Variants in SLC6A6 observed in about 807,000 individuals in gnomAD.
SLC6A6 encodes sodium- and chloride-dependent taurine transporter.
In SLC6A6, 16 loss-of-function variants were observed where a neutral mutation model predicts 68.8. The observed-to-expected ratio is 0.23, with a 90% CI of 0.16 to 0.35. The LOEUF (loss-of-function observed/expected upper bound fraction) is 0.35. Among genes scored for constraint, SLC6A6 ranks in the 10% least tolerant of loss-of-function variants. SLC6A6 has a pLI of 1.00. For synonymous variants in SLC6A6, 312 were observed against 315.4 expected, an observed-to-expected ratio of 0.99 and a Z score of 0.12; for missense variants, 474 against 802.8, an observed-to-expected ratio of 0.59 and a Z score of 4.95.
intron 10 of SLC6A6, among the ~76,000 whole-genome samples, chr3:14,476,729 G>A (rs1166607704): frequency 6.6e-6 from 1 of 152,226 alleles, no homozygotes; most frequent in African/African-American, 2.4e-5. Context: ...GCAGGGCTCG[G>A]CATTCGAGGC....
At chr3:14,484,638 A>G (rs1172555389) in intron 14 of SLC6A6, among the ~76,000 whole-genome samples, 1 of 152,222 alleles carries the variant, frequency 6.6e-6, no homozygotes, top group African/African-American at 2.4e-5. Flanking sequence ...CAAGGAAGGA[A>G]ACCACCAACA....
chr3:14,410,808 C>G (rs904217799), intron 1 of SLC6A6, among the ~76,000 whole-genome samples: 1 of 152,194 alleles, frequency 6.6e-6, no homozygotes, highest in Non-Finnish European at 1.5e-5. Context: ...AGTGGAAAGT[C>G]CTTAACCCAA....
Position 14,468,253 on chromosome 3 carries a change from C to T in SLC6A6, c.1096+41C>T, listed in dbSNP as rs772862737. 7 of 1,592,460 alleles carry T rather than the reference C, an allele frequency of 4.4e-6. No individual in the cohort carries two copies. On this transcript the variant is annotated intron_variant, in intron 9 of 14. Transcript: ENST00000622186. The surrounding 1 kb of genome is among the most constrained non-coding windows in gnomAD (Gnocchi z 4.5). ...TGGCAGTGGTGGTGGGCACTGCCAC[C>T]TAGTGTGTAAGCCAAGTACTGCAGG...
chr3:14,418,001 C>T (rs1262646035), intron 2 of SLC6A6, among the ~76,000 whole-genome samples: 2 of 152,164 alleles, frequency 1.3e-5, no homozygotes. Context: ...TAATCCTCAG[C>T]GTTCATTAAA....
intron 13 of SLC6A6, 125 bp downstream of exon 13, chr3:14,479,310 C>T (rs753868834): frequency 5.1e-5 from 34 of 673,184 alleles, no homozygotes; most frequent in East Asian, 3.2e-4. Context: ...CCAGCTTCAG[C>T]GCTGCCTGGG....
intron 2 of SLC6A6, among the ~76,000 whole-genome samples, chr3:14,442,078 G>A (rs1254539772): frequency 6.6e-6 from 1 of 152,256 alleles, no homozygotes; most frequent in Non-Finnish European, 1.5e-5. Context: ...TGTGTCCTGA[G>A]CTGGGTGGTG....
rs1453497401 is a variant in SLC6A6, at chr3:14,417,535, T to C, written c.-12+1082T>C. On this transcript the variant is annotated intron_variant, in intron 2 of 14. Coordinates refer to ENST00000622186, the MANE Select transcript of SLC6A6 (RefSeq NM_003043.6). ...TCACGAGGTCAGGAGATCGAGACCATCCTGGCTAACACGGTGAAACCCTGT... is the reference window on the plus strand; with the variant it reads ...TCACGAGGTCAGGAGATCGAGACCACCCTGGCTAACACGGTGAAACCCTGT... Among the ~76,000 whole-genome samples, 4 of 152,020 alleles carry C rather than the reference T, an allele frequency of 2.6e-5. No individual in the cohort carries two copies. In the South Asian group the frequency reaches 6.2e-4, roughly 24 times the overall value.
At chr3:14,404,176 T>C (rs1357357691) in intron 1 of SLC6A6, among the ~76,000 whole-genome samples, 1 of 152,220 alleles carries the variant, frequency 6.6e-6, no homozygotes, top group Non-Finnish European at 1.5e-5. Context: ...TTTTTAAAAT[T>C]TCTTTTTAAT....
chr3:14,458,150 T>TCCCGCCTGCAATTAGCCACGC, intron 6 of SLC6A6, 68 bp downstream of exon 6: 1 of 1,450,424 alleles, frequency 6.9e-7, no homozygotes, highest in East Asian at 2.3e-5. Flanking sequence ...CTCCCCCACT[T>TCCCGCCTGCAATTAGCCACGC]CCCGCCTGCA....
At chr3:14,442,747 C>T (rs531351275) in intron 2 of SLC6A6, among the ~76,000 whole-genome samples, 1 of 152,302 alleles carries the variant, frequency 6.6e-6, no homozygotes, top group South Asian at 2.1e-4. Context: ...GCTCCGGGGG[C>T]TTAGAGATTT....
chr3:14,478,393 C>G lies in SLC6A6; in HGVS notation c.1348-73C>G. 13 of 861,192 alleles carry G rather than the reference C, an allele frequency of 1.5e-5. 1 individual carries two copies. In the South Asian group the frequency reaches 1.9e-4, roughly 12 times the overall value. The allele number at this position is 861,192 out of a possible 1,614,324, so 53.3% of individuals were successfully genotyped here. A position where few individuals can be genotyped will look rare whatever the true frequency, so the allele number is the denominator to read the frequency against. On this transcript the variant is annotated intron_variant, in intron 11 of 14. Coordinates refer to ENST00000622186, the MANE Select transcript of SLC6A6 (RefSeq NM_003043.6). ...GGTTTTTTTAATCTTATTGATATGC[C>G]AGAGCTCTTTGTATATGAAAGAAAT...
rs1447819035 is a variant in SLC6A6, at chr3:14,487,028, A to T, written c.*2021A>T. The T allele has an allele frequency of 6.6e-6, 1 of 152,478 alleles. No homozygotes were observed. Among genetic ancestry groups the T allele is most frequent in the Non-Finnish European group, 1.5e-5 (1 of 68,026 alleles). The allele number at this position is 152,478 out of a possible 1,614,324, so 9.4% of individuals were successfully genotyped here. A position where few individuals can be genotyped will look rare whatever the true frequency, so the allele number is the denominator to read the frequency against. On this transcript the variant is annotated 3_prime_UTR_variant, in exon 15 of 15. Transcript: ENST00000622186. ...ATTGTGACCTGTTTTCCTTTGTCTT[A>T]TATAACTTTAGTAAACTAACCACTG...
chr3:14,445,796 G>A lies in SLC6A6; in HGVS notation c.309G>A (p.Gln103=), dbSNP rs1227969356. ...PVFFLEIIIG[Q]YTSEGGITCW... ...TTTTCTTGGAGATCATCATAGGCCAGTACACCTCTGAAGGGGGCATCACCT... is the reference window on the plus strand; with the variant it reads ...TTTTCTTGGAGATCATCATAGGCCAATACACCTCTGAAGGGGGCATCACCT... Residue 103 remains glutamine, a synonymous_variant, in exon 4 of 15, where the codon CAG becomes CAA. Transcript: ENST00000622186. The A allele has an allele frequency of 1.2e-6, 2 of 1,614,142 alleles. No homozygotes were observed. Among genetic ancestry groups the A allele is most frequent in the Non-Finnish European group, 1.7e-6 (2 of 1,179,948 alleles).
intron 6 of SLC6A6, among the ~76,000 whole-genome samples, chr3:14,466,090 C>T (rs977501356): frequency 1.3e-5 from 2 of 151,934 alleles, no homozygotes; most frequent in East Asian, 3.9e-4. Flanking sequence ...GGTGAAACCC[C>T]ATCTCTACTA....
intron 2 of SLC6A6, among the ~76,000 whole-genome samples, chr3:14,441,732 C>T (rs1262895249): frequency 6.6e-6 from 1 of 152,262 alleles, no homozygotes; most frequent in East Asian, 1.9e-4. Context: ...TACTGCCTCA[C>T]CCTGCCTGCA....
chr3:14,478,028 C>T (rs893288355), intron 11 of SLC6A6, among the ~76,000 whole-genome samples: 45 of 152,010 alleles, frequency 3.0e-4, no homozygotes, highest in African/African-American at 1.0e-3. Flanking sequence ...TCCCCAGGAA[C>T]GGGTCCCATT....
At chr3:14,431,837 C>T (rs1699731948) in intron 2 of SLC6A6, among the ~76,000 whole-genome samples, 1 of 152,094 alleles carries the variant, frequency 6.6e-6, no homozygotes, top group African/African-American at 2.4e-5. Context: ...ACATCCTCGT[C>T]AGGGGGAAAA....
At chr3:14,475,639 G>T (rs1331639123) in intron 10 of SLC6A6, among the ~76,000 whole-genome samples, 3 of 152,184 alleles carry the variant, frequency 2.0e-5, no homozygotes, top group African/African-American at 7.2e-5. Context: ...ATGGGGGTTT[G>T]TGCTGGTCTT....
At chr3:14,422,716 T>G (rs1699511392) in intron 2 of SLC6A6, among the ~76,000 whole-genome samples, 1 of 152,042 alleles carries the variant, frequency 6.6e-6, no homozygotes, top group Non-Finnish European at 1.5e-5. Flanking sequence ...CCAGCTTGGC[T>G]CCCACCTCCA....
Sources: allele counts gnomAD v4.1 joint callset (sites outside exome capture counted in the v4.1 genomes callset), GRCh38; gene constraint gnomAD v4.1.1; non-coding constraint Gnocchi (gnomAD v3.1); transcripts MANE v1.5; gene names NCBI Gene and HGNC (gene_info 2026-07-23, HGNC 2026-07-21).